HDAC4: variants seen among roughly 807,000 people sequenced by gnomAD.
HDAC4 encodes histone deacetylase 4, also known as histone deacetylase A.
Under a neutral mutation model 135.1 loss-of-function variants are expected in HDAC4, and 16 were observed. That is an observed-to-expected ratio of 0.12 (90% CI 0.08 to 0.18). The LOEUF (loss-of-function observed/expected upper bound fraction) is 0.18, where lower values mean the gene tolerates loss of function less well. Among genes scored for constraint, HDAC4 ranks in the 10% least tolerant of loss-of-function variants. The pLI is 1.00. For missense variants in HDAC4, 1,143 were observed against 1,511.8 expected (o/e 0.76, Z 4.05); for synonymous variants, 685 against 653.4 (o/e 1.05, Z -0.74).
intron 2 of HDAC4, among the ~76,000 whole-genome samples, chr2:239,343,672 G>T (rs1692439768): frequency 6.6e-6 from 1 of 152,216 alleles, no homozygotes; most frequent in Non-Finnish European, 1.5e-5. Context: ...GGACCAGAGT[G>T]CCTGCTGCCC....
At chr2:239,380,976 C>T (rs1031442093) in intron 1 of HDAC4, among the ~76,000 whole-genome samples, 7 of 152,288 alleles carry the variant, frequency 4.6e-5, no homozygotes, top group East Asian at 1.9e-4. Context: ...CACGGGTTCA[C>T]GTCCTGATAG....
intron 2 of HDAC4, among the ~76,000 whole-genome samples, chr2:239,351,377 G>A (rs911649464): frequency 6.6e-6 from 1 of 152,152 alleles, no homozygotes; most frequent in African/African-American, 2.4e-5. Flanking sequence ...GTAAAACACA[G>A]GGCCCTGCCT....
intron 2 of HDAC4, among the ~76,000 whole-genome samples, chr2:239,263,460 A>G (rs1408262989): frequency 1.3e-5 from 2 of 151,976 alleles, no homozygotes; most frequent in African/African-American, 2.4e-5. Context: ...CTCACTGCAC[A>G]GGTGTGGAGG....
At chr2:239,209,091 G>A (rs913735586) in intron 3 of HDAC4, among the ~76,000 whole-genome samples, 3 of 152,200 alleles carry the variant, frequency 2.0e-5, no homozygotes, top group African/African-American at 7.2e-5. Context: ...ATGTTGCTCA[G>A]GCTGGTCTTG....
chr2:239,263,020 A>C (rs1471379074), intron 2 of HDAC4, among the ~76,000 whole-genome samples: 1 of 152,090 alleles, frequency 6.6e-6, no homozygotes, highest in African/African-American at 2.4e-5. Context: ...AAGACACGAG[A>C]GAATGAAGGA....
chr2:239,155,777 C>T (rs3791505), intron 7 of HDAC4, among the ~76,000 whole-genome samples: 27,380 of 152,198 alleles, frequency 0.18, 2,938 homozygotes, highest in East Asian at 0.38. Flanking sequence ...CAAGAGCCGC[C>T]CCCTAGGGAG....
At chr2:239,170,919 T>C (rs963202242) in intron 5 of HDAC4, among the ~76,000 whole-genome samples, 1 of 152,184 alleles carries the variant, frequency 6.6e-6, no homozygotes, top group Non-Finnish European at 1.5e-5. Flanking sequence ...CAAAGGGATA[T>C]GCCTTATGAG....
intron 17 of HDAC4, among the ~76,000 whole-genome samples, chr2:239,093,077 C>G (rs2036675586): frequency 6.6e-6 from 1 of 152,142 alleles, no homozygotes; most frequent in African/African-American, 2.4e-5. Context: ...GAGAGCAGGC[C>G]AGGACTCCGC....
rs1298950461 is a variant in HDAC4, at chr2:239,139,530, T to A, written c.978+154A>T. ...GGAAGGCAGGAGAGTAACCTCCAAC[T>A]GCGTCCTTTTTAGGATGGCTCACAG... is the stretch of plus-strand genomic sequence containing the variant. On this transcript the variant is annotated intron_variant, in intron 9 of 26. Coordinates refer to ENST00000543185, the MANE Select transcript of HDAC4 (RefSeq NM_001378414.1). The surrounding 1 kb of genome is among the most constrained non-coding windows in gnomAD (Gnocchi z 5.3). 6.6e-6 allele frequency among the ~76,000 whole-genome samples: 1 copy of A among 152,204 alleles called. No homozygotes were observed. Among genetic ancestry groups the A allele is most frequent in the African/African-American group, 2.4e-5 (1 of 41,454 alleles).
chr2:239,271,569 C>A (rs928696741), intron 2 of HDAC4, among the ~76,000 whole-genome samples: 2 of 152,242 alleles, frequency 1.3e-5, no homozygotes, highest in Admixed American at 1.3e-4. Flanking sequence ...TGCCGGCATC[C>A]TCCCTAGAGC....
At chr2:239,062,002 C>T (rs911778933) in intron 24 of HDAC4, among the ~76,000 whole-genome samples, 3 of 152,246 alleles carry the variant, frequency 2.0e-5, no homozygotes, top group Non-Finnish European at 4.4e-5. Flanking sequence ...CACAGATCCC[C>T]GTGGCCGTCT....
chr2:239,114,037 G>A (rs574225868), intron 13 of HDAC4, among the ~76,000 whole-genome samples: 4 of 152,320 alleles, frequency 2.6e-5, no homozygotes, highest in African/African-American at 7.2e-5. Flanking sequence ...CACTGATCCC[G>A]TGTGTGGCAG....
chr2:239,076,419 C>CA (rs1419082139), intron 22 of HDAC4, among the ~76,000 whole-genome samples: 1 of 152,256 alleles, frequency 6.6e-6, no homozygotes, highest in Non-Finnish European at 1.5e-5. Context: ...TCAAAAGCCA[C>CA]AACTGCATCT....
At chr2:239,259,288 A>C (rs1182028072) in intron 2 of HDAC4, among the ~76,000 whole-genome samples, 1 of 152,216 alleles carries the variant, frequency 6.6e-6, no homozygotes, top group Non-Finnish European at 1.5e-5. Flanking sequence ...GTCTCTACCA[A>C]GAATACACAA....
intron 3 of HDAC4, among the ~76,000 whole-genome samples, chr2:239,212,328 G>C (rs2046389832): frequency 6.6e-6 from 1 of 152,014 alleles, no homozygotes; most frequent in Admixed American, 6.6e-5. Flanking sequence ...ATTGCTTCCT[G>C]TAAAGAACAC....
intron 1 of HDAC4, among the ~76,000 whole-genome samples, chr2:239,358,573 G>A (rs1052654564): frequency 6.6e-6 from 1 of 152,156 alleles, no homozygotes; most frequent in African/African-American, 2.4e-5. Flanking sequence ...GACAGAGCAC[G>A]CAGGGCCCTC....
chr2:239,206,485 C>T (rs1380551879), intron 3 of HDAC4, among the ~76,000 whole-genome samples: 1 of 151,530 alleles, frequency 6.6e-6, no homozygotes, highest in African/African-American at 2.4e-5. Flanking sequence ...CCAAAAATAA[C>T]CAAGCTTGAA....
chr2:239,223,141 AT>A (rs1472748111), intron 3 of HDAC4, among the ~76,000 whole-genome samples: 1 of 152,264 alleles, frequency 6.6e-6, no homozygotes, highest in Admixed American at 6.5e-5. Flanking sequence ...ATAAGAACGC[AT>A]TTCAGAATTT....
intron 17 of HDAC4, among the ~76,000 whole-genome samples, chr2:239,092,232 C>CT (rs1441230966): frequency 6.8e-6 from 1 of 146,860 alleles, no homozygotes; most frequent in African/African-American, 2.6e-5. Context: ...GACTGAAGCT[C>CT]TGTCTCCAAA....
Sources: allele counts gnomAD v4.1 joint callset (sites outside exome capture counted in the v4.1 genomes callset), GRCh38; gene constraint gnomAD v4.1.1; non-coding constraint Gnocchi (gnomAD v3.1); transcripts MANE v1.5; gene names NCBI Gene and HGNC (gene_info 2026-07-23, HGNC 2026-07-21).